Variants in RSF1 observed in about 807,000 individuals in gnomAD.
RSF1 encodes the protein HBV pX-associated protein 8.
RSF1 carries 13 observed loss-of-function variants against 145.2 expected under a neutral mutation model. The ratio of observed to expected loss-of-function variants is 0.09; its 90% CI spans 0.06 to 0.14. The LOEUF (loss-of-function observed/expected upper bound fraction) is 0.14, where lower values mean the gene tolerates loss of function less well. Among genes scored for constraint, RSF1 ranks in the 10% least tolerant of loss-of-function variants. The probability of loss-of-function intolerance (pLI) is 1.00; values close to 1 mark genes in which losing one functional copy is unlikely to be tolerated. For synonymous variants in RSF1, 577 were observed against 592.6 expected, an observed-to-expected ratio of 0.97 and a Z score of 0.38; for missense variants, 1,517 against 1,718.2, an observed-to-expected ratio of 0.88 and a Z score of 2.07.
At chr11:77,841,698 C>G in the RSF1 span, among the ~76,000 whole-genome samples, 3 of 152,160 alleles carry the variant, frequency 2.0e-5, no homozygotes, top group Admixed American at 2.0e-4. Flanking sequence ...CTTGCAGCCT[C>G]TGGTCCACTT....
chr11:77,739,274 A>G (rs971758605), intron 4 of RSF1: 1 of 152,620 alleles, frequency 6.6e-6, no homozygotes, highest in Admixed American at 6.5e-5. Context: ...TGACTGATCA[A>G]TAGTAATCGT....
intron 5 of RSF1, among the ~76,000 whole-genome samples, chr11:77,716,704 T>C (rs1422159596): frequency 6.6e-6 from 1 of 152,174 alleles, no homozygotes; most frequent in African/African-American, 2.4e-5. Flanking sequence ...GTGACTACAG[T>C]TACAACAACG....
intron 5 of RSF1, among the ~76,000 whole-genome samples, chr11:77,715,820 A>C (rs1404815457): frequency 6.6e-6 from 1 of 152,210 alleles, no homozygotes; most frequent in Non-Finnish European, 1.5e-5. Flanking sequence ...TCTGTCGCAC[A>C]GGCTGGAGTA....
chr11:77,715,262 A>G (rs1230120578), intron 5 of RSF1, among the ~76,000 whole-genome samples: 1 of 152,330 alleles, frequency 6.6e-6, no homozygotes, highest in Admixed American at 6.5e-5. Context: ...GCAAACGTCA[A>G]TGTATTTCCT....
intron 1 of RSF1, among the ~76,000 whole-genome samples, chr11:77,819,029 T>A (rs1484234565): frequency 6.6e-6 from 1 of 152,182 alleles, no homozygotes; most frequent in East Asian, 1.9e-4. Context: ...TTAATTTGAG[T>A]CTTCGGTAGC....
At chr11:77,818,308 C>T (rs932763890) in intron 1 of RSF1, among the ~76,000 whole-genome samples, 3 of 152,146 alleles carry the variant, frequency 2.0e-5, no homozygotes, top group Non-Finnish European at 2.9e-5. Flanking sequence ...CAAAATACCA[C>T]GCCATCCCAG....
intron 4 of RSF1, among the ~76,000 whole-genome samples, chr11:77,738,121 T>C (rs1359051259): frequency 2.0e-5 from 3 of 152,090 alleles, no homozygotes; most frequent in Non-Finnish European, 4.4e-5. Flanking sequence ...AGAGTGAGAC[T>C]CCGTCTCTAA....
At chr11:77,737,621 G>GGGTGGGTGTGTGT (rs1491534916) in intron 4 of RSF1, among the ~76,000 whole-genome samples, 13 of 93,494 alleles carry the variant, frequency 1.4e-4, no homozygotes, top group African/African-American at 3.5e-4. Context: ...TGTTTTGGGG[G>GGGTGGGTGTGTGT]GTGTGTGTGT....
chr11:77,828,626 G>T, the RSF1 span, among the ~76,000 whole-genome samples: 1 of 148,032 alleles, frequency 6.8e-6, no homozygotes, highest in African/African-American at 2.5e-5. Context: ...AGCCAAGATC[G>T]CACCACTGCA....
rs542052614 is a variant in RSF1 at position 77,676,892 on chromosome 11, C to T, written c.3241G>A (p.Ala1081Thr). Residue 1081 changes from alanine (A) to threonine (T), a missense_variant, in exon 13 of 16, where the codon GCT (alanine) becomes ACT (threonine). Physicochemically the swap from Ala to Thr is moderately conservative, Grantham distance 58. This residue lies in a region of RSF1 where 231 missense variants were observed against 276.6 expected (regional missense o/e 0.84). Coordinates refer to ENST00000308488, the MANE Select transcript of RSF1 (RefSeq NM_016578.4). ...RKENKRPQRA[A>T]AARRKKRRRL... is the part of the protein sequence containing the mutation. ...CGGCGTTTCTTCCTTCGAGCAGCAGCTGCCCTCTGGGGTCGTTTATTTTCT... is the reference window on the plus strand; with the variant it reads ...CGGCGTTTCTTCCTTCGAGCAGCAGTTGCCCTCTGGGGTCGTTTATTTTCT... 1.3e-4 allele frequency: 211 copies of T among 1,614,186 alleles called. 4 individuals carry two copies. In the South Asian group the frequency reaches 2.2e-3, roughly 17 times the overall value.
the RSF1 span, chr11:77,829,619 G>A: frequency 2.0e-5 from 3 of 152,224 alleles, no homozygotes; most frequent in African/African-American, 2.4e-5. Flanking sequence ...TGTTTCAGAC[G>A]ACTACATTTG....
the RSF1 span, chr11:77,868,965 T>TA: frequency 3.6e-6 from 1 of 279,650 alleles, no homozygotes; most frequent in African/African-American, 2.3e-5. Flanking sequence ...CTTATTTGTT[T>TA]ACAACAATGC....
At chr11:77,791,017 C>A (rs112589342) in intron 1 of RSF1, among the ~76,000 whole-genome samples, 1 of 152,198 alleles carries the variant, frequency 6.6e-6, no homozygotes. Flanking sequence ...CTAGGCAGTG[C>A]CCCAGGTAGG....
intron 14 of RSF1, among the ~76,000 whole-genome samples, chr11:77,673,326 A>T (rs1959605460): frequency 6.6e-6 from 1 of 152,250 alleles, no homozygotes; most frequent in African/African-American, 2.4e-5. Context: ...TCTGATCAAT[A>T]AGCCAGAGTG....
chr11:77,688,482 A>G (rs1479153567), intron 9 of RSF1, among the ~76,000 whole-genome samples: 3 of 152,254 alleles, frequency 2.0e-5, no homozygotes, highest in Admixed American at 6.5e-5. Context: ...AAATACCTTT[A>G]GTTACATCTT....
At chr11:77,795,030 G>T (rs1257028279) in intron 1 of RSF1, among the ~76,000 whole-genome samples, 2 of 152,028 alleles carry the variant, frequency 1.3e-5, no homozygotes, top group African/African-American at 4.8e-5. Flanking sequence ...ATAAAAATCA[G>T]TAGCATTTTT....
At chr11:77,740,209 C>G (rs1024806579) in intron 4 of RSF1, among the ~76,000 whole-genome samples, 1 of 151,998 alleles carries the variant, frequency 6.6e-6, no homozygotes. Context: ...AACCTCATCT[C>G]TATTAAAAAT....
At chr11:77,753,124 C>T (rs1948080999) in intron 2 of RSF1, among the ~76,000 whole-genome samples, 1 of 152,198 alleles carries the variant, frequency 6.6e-6, no homozygotes, top group African/African-American at 2.4e-5. Flanking sequence ...TATGGAGTAG[C>T]CATTCTTTTA....
At chr11:77,740,076 T>C (rs1234535236) in intron 4 of RSF1, among the ~76,000 whole-genome samples, 1 of 152,250 alleles carries the variant, frequency 6.6e-6, no homozygotes. Flanking sequence ...TAATGCTGAA[T>C]AGAAAACTAT....
Sources: gnomAD v4.1 joint callset for allele counts (sites outside exome capture counted in the v4.1 genomes callset) on GRCh38, gnomAD v4.1.1 for gene constraint, gnomAD v4.1.1 regional missense constraint, MANE v1.5 for transcripts, NCBI Gene and HGNC (gene_info 2026-07-23, HGNC 2026-07-21) for gene names.